The following NEXMIF variants were observed in gnomAD, a reference collection of about 807,000 sequenced individuals.
NEXMIF encodes the protein XLMR protein related to neurite extension.
In NEXMIF, 8 loss-of-function variants were observed where a neutral mutation model predicts 62.1. The ratio of observed to expected loss-of-function variants is 0.13; its 90% CI spans 0.08 to 0.23. The LOEUF is 0.23. Ranked by LOEUF, NEXMIF falls within the 10% of genes least tolerant of loss-of-function variation. The pLI is 1.00. For synonymous variants in NEXMIF, 404 were observed against 416.6 expected (o/e 0.97, Z 0.37); for missense variants, 976 against 1,113.3 (o/e 0.88, Z 1.75).
chrX:74,855,916 A>T (rs943333936), intron 1 of NEXMIF, among the ~76,000 whole-genome samples: 8 of 112,425 alleles, frequency 7.1e-5, no homozygotes, highest in African/African-American at 2.6e-4. Context: ...TAAACAAACT[A>T]CAGGAGCAAC....
At chrX:74,823,697 CAGAT>C (rs60606226) in intron 1 of NEXMIF, among the ~76,000 whole-genome samples, 22,984 of 101,541 alleles carry the variant, frequency 0.23, 2,594 homozygotes, top group East Asian at 0.84. Context: ...CAGAGAAAGA[CAGAT>C]AGATAGATAG....
intron 1 of NEXMIF, among the ~76,000 whole-genome samples, chrX:74,755,456 T>A (rs2080156541): frequency 9.0e-6 from 1 of 111,398 alleles, no homozygotes; most frequent in South Asian, 3.8e-4. Context: ...TTCAAAATAT[T>A]CTCCTAGCCT....
At chrX:74,886,931 G>T (rs772952112) in intron 1 of NEXMIF, among the ~76,000 whole-genome samples, 2,041 of 109,584 alleles carry the variant, frequency 0.019, 54 homozygotes, top group African/African-American at 0.066. Context: ...AAAACAGCAT[G>T]GTACTGGTAC....
intron 1 of NEXMIF, among the ~76,000 whole-genome samples, chrX:74,763,318 T>C (rs1466358058): frequency 8.9e-6 from 1 of 111,870 alleles, no homozygotes; most frequent in Non-Finnish European, 1.9e-5. Flanking sequence ...TCTGTTCCAT[T>C]GGTCTATATC....
chrX:74,790,941 C>T lies in NEXMIF; in HGVS notation c.-47-45244G>A, dbSNP rs987368772. On this transcript the variant is annotated intron_variant, in intron 1 of 3. Transcript: ENST00000055682. ...CTGCAAACAGGGACAATTTGAGTTC[C>T]TCTTTTCCTAATTGAATACCCTTTA... is the stretch of plus-strand genomic sequence containing the variant. 8.0e-4 allele frequency among the ~76,000 whole-genome samples: 89 copies of T among 110,715 alleles called. 2 individuals are homozygous for T. Among genetic ancestry groups the T allele is most frequent in the Non-Finnish European group, 7.9e-4 (42 of 52,922 alleles).
intron 1 of NEXMIF, among the ~76,000 whole-genome samples, chrX:74,901,777 T>C (rs1281398836): frequency 9.0e-6 from 1 of 111,559 alleles, no homozygotes; most frequent in African/African-American, 3.3e-5. Context: ...GTACATTTTA[T>C]CTACAAATGA....
intron 1 of NEXMIF, among the ~76,000 whole-genome samples, chrX:74,873,835 G>T (rs1238799635): frequency 9.0e-6 from 1 of 110,940 alleles, no homozygotes; most frequent in Non-Finnish European, 1.9e-5. Flanking sequence ...TTTTTGATGG[G>T]GTTGTTTGTT....
At chrX:74,885,495 A>G (rs2147361522) in intron 1 of NEXMIF, among the ~76,000 whole-genome samples, 1 of 111,920 alleles carries the variant, frequency 8.9e-6, no homozygotes, top group East Asian at 2.8e-4. Flanking sequence ...AATACAAACT[A>G]CCATCAGAGA....
chrX:74,889,166 G>A (rs1377272614), intron 1 of NEXMIF, among the ~76,000 whole-genome samples: 1 of 111,872 alleles, frequency 8.9e-6, no homozygotes, highest in Non-Finnish European at 1.9e-5. Context: ...TAAGCTGTGA[G>A]GGACAGGATG....
At chrX:74,856,666 T>C (rs1434301225) in intron 1 of NEXMIF, among the ~76,000 whole-genome samples, 1 of 111,324 alleles carries the variant, frequency 9.0e-6, no homozygotes, top group Admixed American at 9.6e-5. Context: ...CTGACAACTA[T>C]CTACACACAA....
rs767835304 is a variant in NEXMIF at position 74,733,441 on chromosome X, T to G, written c.*5964A>C. On this transcript the variant is annotated 3_prime_UTR_variant, in exon 4 of 4. Transcript: ENST00000055682. ...ATAATAGTATTGGTCTGTGATGGAT[T>G]GCAAAAACTATTGGTCCCTCACCAC... is the stretch of plus-strand genomic sequence containing the variant. 1.6e-3 allele frequency: 176 copies of G among 112,268 alleles called. 1 individual carries two copies. Among genetic ancestry groups the G allele is most frequent in the African/African-American group, 5.1e-3 (157 of 30,880 alleles). 9.3% of individuals were successfully genotyped at this position (112,268 alleles called of 1,213,427 possible).
chrX:74,905,489 C>G (rs759040503), intron 1 of NEXMIF, among the ~76,000 whole-genome samples: 1 of 112,286 alleles, frequency 8.9e-6, no homozygotes, highest in Non-Finnish European at 1.9e-5. Context: ...TATTCCTAGT[C>G]TTTTCAATAC....
chrX:74,890,640 T>C (rs1030407515), intron 1 of NEXMIF, among the ~76,000 whole-genome samples: 4 of 111,941 alleles, frequency 3.6e-5, no homozygotes, highest in Non-Finnish European at 1.9e-5. Context: ...CGCAGCCACA[T>C]GGGACAAATA....
chrX:74,911,979 T>C (rs1288960814), intron 1 of NEXMIF, among the ~76,000 whole-genome samples: 2 of 111,538 alleles, frequency 1.8e-5, no homozygotes, highest in Non-Finnish European at 3.8e-5. Context: ...ATAGAGCCAG[T>C]AAGGGAAAAT....
chrX:74,862,153 C>A (rs1006797543), intron 1 of NEXMIF, among the ~76,000 whole-genome samples: 3 of 110,950 alleles, frequency 2.7e-5, no homozygotes, highest in Non-Finnish European at 5.7e-5. Flanking sequence ...AAAATTTACC[C>A]AGCCAATGGA....
At chrX:74,768,818 T>C (rs2080201964) in intron 1 of NEXMIF, among the ~76,000 whole-genome samples, 1 of 111,867 alleles carries the variant, frequency 8.9e-6, no homozygotes, top group Non-Finnish European at 1.9e-5. Context: ...AAAAAAGACA[T>C]AAAAGAAAAC....
At chrX:74,895,783 G>T (rs769362405) in intron 1 of NEXMIF, among the ~76,000 whole-genome samples, 1 of 107,739 alleles carries the variant, frequency 9.3e-6, no homozygotes, top group African/African-American at 3.4e-5. Context: ...GTTACCAGAG[G>T]CTGGGAAGGG....
chrX:74,810,681 T>C lies in NEXMIF; in HGVS notation c.-47-64984A>G, dbSNP rs1183902454. 4.5e-5 allele frequency among the ~76,000 whole-genome samples: 5 copies of C among 109,978 alleles called. No individual in the cohort carries two copies. The Admixed American group carries it at 4.9e-4, about 11-fold the overall frequency. Reference sequence around the variant, plus strand: ...TCTGTCTGGGTTCTAGTCCTAGCTCTGACATTGTTACGTCACCTTAAGTAA... The same window carrying C: ...TCTGTCTGGGTTCTAGTCCTAGCTCCGACATTGTTACGTCACCTTAAGTAA... On this transcript the variant is annotated intron_variant, in intron 1 of 3. Transcript: ENST00000055682.
rs1025367476 is a variant in NEXMIF, at chrX:74,738,114, GA to G, written c.*1290del. ...TAGTAGTGAGGAATGTTGGGGCTGT[GA>G]AATTTTTTTTAAAAAGTAGGGGGAG... On this transcript the variant is annotated 3_prime_UTR_variant, in exon 4 of 4. Transcript: ENST00000055682. 1 of 111,072 alleles carries G rather than the reference GA, an allele frequency of 9.0e-6. No individual in the cohort carries two copies. Among genetic ancestry groups the G allele is most frequent in the Non-Finnish European group, 1.9e-5 (1 of 52,923 alleles). 9.2% of individuals were successfully genotyped at this position (111,072 alleles called of 1,213,427 possible). A position where few individuals can be genotyped will look rare whatever the true frequency, so the allele number is the denominator to read the frequency against.
Sources: allele counts gnomAD v4.1 joint callset (sites outside exome capture counted in the v4.1 genomes callset), GRCh38; gene constraint gnomAD v4.1.1; transcripts MANE v1.5; gene names NCBI Gene and HGNC (gene_info 2026-07-23, HGNC 2026-07-21).